The following PHACTR1 variants were observed in gnomAD, a reference collection of about 807,000 sequenced individuals.
PHACTR1 encodes phosphatase and actin regulator 1.
PHACTR1 carries 16 observed loss-of-function variants against 69.2 expected under a neutral mutation model. That is an observed-to-expected ratio of 0.23 (90% confidence interval 0.16 to 0.35). PHACTR1 has a LOEUF of 0.35. Ranked by LOEUF, PHACTR1 falls within the 10% of genes least tolerant of loss-of-function variation. The pLI is 1.00. For missense variants in PHACTR1, 510 were observed against 734.7 expected (o/e 0.69, Z 3.54); for synonymous variants, 312 against 284.5 (o/e 1.10, Z -0.97).
intron 4 of PHACTR1, among the ~76,000 whole-genome samples, chr6:12,949,194 C>G (rs1791002545): frequency 6.8e-6 from 1 of 147,940 alleles, no homozygotes; most frequent in African/African-American, 2.5e-5. Context: ...CACTTGAACC[C>G]AGGAGGCGGA....
chr6:13,133,439 G>T (rs940404718), intron 5 of PHACTR1, among the ~76,000 whole-genome samples: 2 of 151,758 alleles, frequency 1.3e-5, no homozygotes, highest in Non-Finnish European at 2.9e-5. Context: ...GATTGCAGGC[G>T]CGCGCCGCCA....
intron 5 of PHACTR1, among the ~76,000 whole-genome samples, chr6:13,112,407 A>T (rs532746544): frequency 6.6e-6 from 1 of 152,322 alleles, no homozygotes; most frequent in South Asian, 2.1e-4. Flanking sequence ...AATGGGATTG[A>T]GTCAAATGGT....
intron 4 of PHACTR1, among the ~76,000 whole-genome samples, chr6:12,927,936 C>T (rs930513972): frequency 4.6e-5 from 7 of 152,226 alleles, no homozygotes; most frequent in African/African-American, 1.7e-4. Context: ...GCTGCACCTC[C>T]GATTGCTGAC....
intron 4 of PHACTR1, among the ~76,000 whole-genome samples, chr6:12,778,185 A>G (rs565201733): frequency 2.5e-4 from 38 of 152,368 alleles, no homozygotes; most frequent in African/African-American, 8.4e-4. Flanking sequence ...CATGTTAAGC[A>G]TGTACATATA....
At chr6:12,721,039 G>A (rs181473346) in intron 3 of PHACTR1, among the ~76,000 whole-genome samples, 92 of 152,246 alleles carry the variant, frequency 6.0e-4, no homozygotes, top group African/African-American at 2.1e-3. Flanking sequence ...TGCTACACAC[G>A]AGCAAATCAA....
At chr6:12,736,597 G>A (rs1764283315) in intron 3 of PHACTR1, among the ~76,000 whole-genome samples, 1 of 152,198 alleles carries the variant, frequency 6.6e-6, no homozygotes, top group East Asian at 1.9e-4. Context: ...ATCTGACAAT[G>A]ATAATATTTC....
intron 3 of PHACTR1, 99 bp from the exon 4 acceptor site, chr6:12,749,544 TC>T (rs769893555): frequency 0.016 from 3,331 of 209,314 alleles, 55 homozygotes; most frequent in South Asian, 0.036. Flanking sequence ...TCCTCTCCCC[TC>T]CCCCTTCCCC....
At chr6:13,005,778 T>C (rs1263979319) in intron 4 of PHACTR1, among the ~76,000 whole-genome samples, 2 of 152,176 alleles carry the variant, frequency 1.3e-5, no homozygotes, top group Non-Finnish European at 2.9e-5. Flanking sequence ...AGAAATCAAT[T>C]GTATGTCCCA....
chr6:12,814,682 A>T (rs1489624655), intron 4 of PHACTR1, among the ~76,000 whole-genome samples: 1 of 144,408 alleles, frequency 6.9e-6, no homozygotes, highest in East Asian at 1.9e-4. Flanking sequence ...CACCCACCAA[A>T]TGTTCTACAA....
At chr6:13,190,415 CTT>C (rs1257919571) in intron 7 of PHACTR1, among the ~76,000 whole-genome samples, 4 of 151,914 alleles carry the variant, frequency 2.6e-5, no homozygotes, top group Admixed American at 2.6e-4. Flanking sequence ...TGATTACTTC[CTT>C]ACTCCAAATA....
intron 4 of PHACTR1, among the ~76,000 whole-genome samples, chr6:13,022,131 G>A (rs1801065426): frequency 6.6e-6 from 1 of 152,228 alleles, no homozygotes; most frequent in Non-Finnish European, 1.5e-5. Flanking sequence ...ACTTCTTAAA[G>A]CAATTAATTA....
At chr6:13,084,768 A>G (rs925788086) in intron 5 of PHACTR1, among the ~76,000 whole-genome samples, 5 of 152,086 alleles carry the variant, frequency 3.3e-5, no homozygotes, top group Admixed American at 6.6e-5. Flanking sequence ...TAAGCTCACT[A>G]TATTATTCTG....
intron 8 of PHACTR1, among the ~76,000 whole-genome samples, chr6:13,206,967 G>GAA (rs1317501833): frequency 2.6e-5 from 4 of 152,006 alleles, no homozygotes; most frequent in Non-Finnish European, 4.4e-5. Flanking sequence ...ATGGCAAAAT[G>GAA]ACATTGAATG....
intron 4 of PHACTR1, among the ~76,000 whole-genome samples, chr6:12,809,306 G>A (rs566599620): frequency 5.1e-4 from 77 of 152,178 alleles, no homozygotes; most frequent in African/African-American, 1.8e-3. Context: ...CTTTTATTAT[G>A]ACATTGAAAA....
At chr6:12,922,033 A>G (rs1260649463) in intron 4 of PHACTR1, among the ~76,000 whole-genome samples, 1 of 152,224 alleles carries the variant, frequency 6.6e-6, no homozygotes, top group African/African-American at 2.4e-5. Context: ...AAAAACAAGT[A>G]TCAAAAGGAG....
intron 5 of PHACTR1, among the ~76,000 whole-genome samples, chr6:13,150,050 T>G (rs1824067259): frequency 6.6e-6 from 1 of 152,150 alleles, no homozygotes; most frequent in Admixed American, 6.5e-5. Context: ...TTGCCAAATA[T>G]AAAAAGAATT....
intron 4 of PHACTR1, among the ~76,000 whole-genome samples, chr6:12,913,351 C>T (rs576676963): frequency 4.1e-4 from 63 of 152,208 alleles, no homozygotes; most frequent in Non-Finnish European, 6.9e-4. Context: ...CAAAGTCCCA[C>T]GACCCCGTTG....
At chr6:13,142,120 A>G (rs1268342447) in intron 5 of PHACTR1, among the ~76,000 whole-genome samples, 3 of 152,204 alleles carry the variant, frequency 2.0e-5, no homozygotes, top group African/African-American at 7.2e-5. Flanking sequence ...TCATTATTCA[A>G]TTAAAATAAA....
chr6:12,777,483 C>T (rs757002303), intron 4 of PHACTR1, among the ~76,000 whole-genome samples: 21 of 151,932 alleles, frequency 1.4e-4, no homozygotes, highest in East Asian at 1.4e-3. Context: ...TGAGAACATG[C>T]GTATTTCATT....
Sources: gnomAD v4.1 joint callset for allele counts (sites outside exome capture counted in the v4.1 genomes callset) on GRCh38, gnomAD v4.1.1 for gene constraint, MANE v1.5 for transcripts, NCBI Gene and HGNC (gene_info 2026-07-23, HGNC 2026-07-21) for gene names.